CADM1: variants seen among roughly 807,000 people sequenced by gnomAD.
CADM1 encodes cell adhesion molecule 1.
Under a neutral mutation model 53.1 loss-of-function variants are expected in CADM1, and 15 were observed. The ratio of observed to expected loss-of-function variants is 0.28; its 90% CI spans 0.19 to 0.44. CADM1 has a LOEUF of 0.44. Among genes scored for constraint, CADM1 ranks in the 20% least tolerant of loss-of-function variants. The probability of loss-of-function intolerance (pLI) is 1.00; values close to 1 mark genes in which losing one functional copy is unlikely to be tolerated. For missense variants in CADM1, 434 were observed against 611.3 expected (o/e 0.71, Z 3.06); for synonymous variants, 281 against 243.0 (o/e 1.16, Z -1.45).
At chr11:115,374,812 C>T (rs893352717) in intron 1 of CADM1, among the ~76,000 whole-genome samples, 3 of 151,994 alleles carry the variant, frequency 2.0e-5, no homozygotes, top group African/African-American at 4.8e-5. Context: ...TCTTAAACTT[C>T]GAGGGAGAAA....
At chr11:115,499,011 T>C (rs1949678582) in intron 1 of CADM1, among the ~76,000 whole-genome samples, 1 of 152,162 alleles carries the variant, frequency 6.6e-6, no homozygotes. Context: ...GTATACATAT[T>C]TGAAATTTTC....
intron 1 of CADM1, 53 bp from the exon 2 acceptor site, chr11:115,240,473 G>C: frequency 5.1e-6 from 8 of 1,577,298 alleles, no homozygotes; most frequent in Non-Finnish European, 7.0e-6. Context: ...ATTAAAATGT[G>C]ATCAGTGGGA....
intron 1 of CADM1, among the ~76,000 whole-genome samples, chr11:115,285,240 A>C (rs575503629): frequency 1.3e-5 from 2 of 152,356 alleles, no homozygotes; most frequent in East Asian, 3.9e-4. Flanking sequence ...AAAACGTTTT[A>C]ATAGACACAT....
chr11:115,229,761 C>T (rs1013868803), intron 4 of CADM1, among the ~76,000 whole-genome samples: 1 of 152,190 alleles, frequency 6.6e-6, no homozygotes, highest in Non-Finnish European at 1.5e-5. Flanking sequence ...ACAAACAACC[C>T]CCTTTGCCTA....
chr11:115,432,546 A>C (rs564109120), intron 1 of CADM1, among the ~76,000 whole-genome samples: 1 of 152,306 alleles, frequency 6.6e-6, no homozygotes, highest in South Asian at 2.1e-4. Context: ...GTGTTTAATG[A>C]ACACCTAAGA....
intron 1 of CADM1, among the ~76,000 whole-genome samples, chr11:115,372,342 T>C (rs979474744): frequency 3.3e-5 from 5 of 152,176 alleles, no homozygotes; most frequent in African/African-American, 1.2e-4. Context: ...TTTTCTTATA[T>C]TGTACTTTTG....
chr11:115,312,848 AG>A, intron 1 of CADM1, among the ~76,000 whole-genome samples: 1 of 152,306 alleles, frequency 6.6e-6, no homozygotes, highest in East Asian at 1.9e-4. Context: ...GTCTAACCAC[AG>A]GTTAAAATGT....
intron 1 of CADM1, among the ~76,000 whole-genome samples, chr11:115,418,585 G>T (rs1363259622): frequency 6.6e-6 from 1 of 152,088 alleles, no homozygotes; most frequent in Non-Finnish European, 1.5e-5. Flanking sequence ...TGCATTCAGT[G>T]TAACACTTTA....
intron 5 of CADM1, among the ~76,000 whole-genome samples, chr11:115,227,439 T>C (rs1941652493): frequency 2.0e-5 from 3 of 151,834 alleles, no homozygotes; most frequent in Non-Finnish European, 4.4e-5. Context: ...ACTGAAAGAG[T>C]TTAGGGGTGG....
chr11:115,342,235 T>G (rs1044932512), intron 1 of CADM1, among the ~76,000 whole-genome samples: 2 of 152,212 alleles, frequency 1.3e-5, no homozygotes, highest in African/African-American at 4.8e-5. Flanking sequence ...TTAACTTTTC[T>G]TCAGATAAAT....
intron 1 of CADM1, among the ~76,000 whole-genome samples, chr11:115,325,222 C>CCT (rs1944929816): frequency 6.6e-6 from 1 of 152,176 alleles, no homozygotes; most frequent in Non-Finnish European, 1.5e-5. Flanking sequence ...GGCTCTCACA[C>CCT]CTCTATATGC....
chr11:115,362,793 T>A (rs1282513789), intron 1 of CADM1, among the ~76,000 whole-genome samples: 1 of 152,232 alleles, frequency 6.6e-6, no homozygotes, highest in Non-Finnish European at 1.5e-5. Context: ...AGTATTTTTA[T>A]ACTTATAACC....
At chr11:115,380,985 C>G (rs761153293) in intron 1 of CADM1, among the ~76,000 whole-genome samples, 15 of 152,000 alleles carry the variant, frequency 9.9e-5, no homozygotes, top group Non-Finnish European at 1.9e-4. Flanking sequence ...AAGAGGTTCC[C>G]TTTCATACAA....
chr11:115,273,856 C>T (rs1362611884), intron 1 of CADM1, among the ~76,000 whole-genome samples: 1 of 152,182 alleles, frequency 6.6e-6, no homozygotes, highest in Non-Finnish European at 1.5e-5. Context: ...ATGATAAATT[C>T]AATGCCATCT....
chr11:115,361,808 C>T (rs1946036238), intron 1 of CADM1, among the ~76,000 whole-genome samples: 1 of 152,082 alleles, frequency 6.6e-6, no homozygotes, highest in South Asian at 2.1e-4. Flanking sequence ...CTTATTGCAG[C>T]CTCGACCTCC....
At chr11:115,430,489 C>T (rs1416171130) in intron 1 of CADM1, among the ~76,000 whole-genome samples, 3 of 152,160 alleles carry the variant, frequency 2.0e-5, no homozygotes, top group Non-Finnish European at 2.9e-5. Context: ...AACATCAAAG[C>T]AAAAGAGTCC....
chr11:115,451,012 A>G (rs1031690197), intron 1 of CADM1, among the ~76,000 whole-genome samples: 1 of 152,210 alleles, frequency 6.6e-6, no homozygotes, highest in African/African-American at 2.4e-5. Context: ...AACCTAAAGG[A>G]GCCATTACAT....
At chr11:115,200,851 G>A (rs1467617562) in intron 8 of CADM1, among the ~76,000 whole-genome samples, 1 of 152,138 alleles carries the variant, frequency 6.6e-6, no homozygotes, top group Non-Finnish European at 1.5e-5. Flanking sequence ...GGCGGGGGGT[G>A]GAGTAAGACC....
At chr11:115,418,922 C>T (rs1364905853) in intron 1 of CADM1, among the ~76,000 whole-genome samples, 2 of 152,006 alleles carry the variant, frequency 1.3e-5, no homozygotes, top group Non-Finnish European at 2.9e-5. Flanking sequence ...GATTCAAGAG[C>T]CCATTGAATC....
Sources: gnomAD v4.1 joint callset for allele counts (sites outside exome capture counted in the v4.1 genomes callset) on GRCh38, gnomAD v4.1.1 for gene constraint, MANE v1.5 for transcripts, NCBI Gene and HGNC (gene_info 2026-07-23, HGNC 2026-07-21) for gene names.